Variants in POLN observed in about 807,000 individuals in gnomAD.
POLN encodes the protein DNA polymerase nu, also known as DNA polymerase N.
Under a neutral mutation model 113.5 loss-of-function variants are expected in POLN, and 108 were observed. The observed-to-expected ratio is 0.95, with a 90% confidence interval of 0.81 to 1.12. The LOEUF (loss-of-function observed/expected upper bound fraction) is 1.12, where lower values mean the gene tolerates loss of function less well. Ranked by LOEUF, POLN falls within the 50% of genes most tolerant of loss-of-function variation. The pLI is 0.00. For missense variants in POLN, 1,097 were observed against 1,077.1 expected, an observed-to-expected ratio of 1.02 and a Z score of -0.26; for synonymous variants, 386 against 391.5, an observed-to-expected ratio of 0.99 and a Z score of 0.17.
chr4:2,085,894 G>C (rs1041685490), intron 20 of POLN, 150 bp from the exon 21 acceptor site: 7 of 1,000,186 alleles, frequency 7.0e-6, no homozygotes, highest in Non-Finnish European at 1.0e-5. Context: ...CAGGTGCTAG[G>C]TGCCAATCAA....
chr4:2,082,844 T>A (rs1041274100), intron 21 of POLN: 1 of 152,240 alleles, frequency 6.6e-6, no homozygotes, highest in African/African-American at 2.4e-5. Flanking sequence ...AATGCTGGGG[T>A]GTGCTGTCTT....
chr4:2,105,502 A>G (rs1731043222), intron 19 of POLN, among the ~76,000 whole-genome samples: 2 of 152,184 alleles, frequency 1.3e-5, no homozygotes, highest in South Asian at 4.1e-4. Context: ...TAAATCTATA[A>G]GAAAAAAGAG....
intron 16 of POLN, among the ~76,000 whole-genome samples, chr4:2,138,415 G>A (rs1225599322): frequency 2.0e-5 from 3 of 152,192 alleles, no homozygotes; most frequent in Admixed American, 2.0e-4. Context: ...ATGAGAGCAG[G>A]AAGGTGGGTG....
intron 19 of POLN, among the ~76,000 whole-genome samples, chr4:2,120,636 G>A (rs1327878447): frequency 6.6e-6 from 1 of 152,016 alleles, no homozygotes; most frequent in African/African-American, 2.4e-5. Context: ...TGGGATTACA[G>A]GCGCTCATCA....
intron 3 of POLN, among the ~76,000 whole-genome samples, chr4:2,215,267 G>A (rs1734084830): frequency 6.6e-6 from 1 of 152,154 alleles, no homozygotes; most frequent in African/African-American, 2.4e-5. Flanking sequence ...AGCTATAGTG[G>A]TTGACTGAAG....
At chr4:2,162,317 T>C (rs1732618004) in intron 13 of POLN, among the ~76,000 whole-genome samples, 3 of 151,662 alleles carry the variant, frequency 2.0e-5, no homozygotes, top group Admixed American at 2.0e-4. Flanking sequence ...GCTGTAACAC[T>C]CACCGCGAAG....
intron 13 of POLN, among the ~76,000 whole-genome samples, chr4:2,160,675 T>A (rs921455335): frequency 6.6e-6 from 1 of 152,142 alleles, no homozygotes; most frequent in East Asian, 1.9e-4. Flanking sequence ...TCCCAAGGTG[T>A]TGGTATTACA....
At chr4:2,103,514 T>C (rs1030123932) in intron 19 of POLN, among the ~76,000 whole-genome samples, 6 of 152,158 alleles carry the variant, frequency 3.9e-5, no homozygotes, top group African/African-American at 7.2e-5. Context: ...TGAAGAGAGA[T>C]CTAAAGGCTC....
chr4:2,223,066 T>C (rs1198803701), intron 3 of POLN, among the ~76,000 whole-genome samples: 4 of 152,172 alleles, frequency 2.6e-5, no homozygotes, highest in African/African-American at 9.7e-5. Context: ...ATCAGAAGAA[T>C]GGAGCCTGGG....
intron 20 of POLN, among the ~76,000 whole-genome samples, chr4:2,087,265 A>C (rs1481479935): frequency 6.6e-6 from 1 of 152,254 alleles, no homozygotes; most frequent in Admixed American, 6.5e-5. Context: ...ATATTCACAA[A>C]TAAGTTATGT....
chr4:2,184,032 T>G (rs1196161308), intron 7 of POLN, among the ~76,000 whole-genome samples: 1 of 152,044 alleles, frequency 6.6e-6, no homozygotes, highest in African/African-American at 2.4e-5. Context: ...TTTCATATTT[T>G]TAGTAGAGAT....
At chr4:2,075,316 A>G (rs1037624584) in intron 24 of POLN, 136 bp downstream of exon 24, 1 of 970,490 alleles carries the variant, frequency 1.0e-6, no homozygotes, top group African/African-American at 1.6e-5. Flanking sequence ...CCCAGGTGAC[A>G]CAGCAGCAAT....
At chr4:2,218,746 C>A (rs1734182524) in intron 3 of POLN, among the ~76,000 whole-genome samples, 1 of 152,172 alleles carries the variant, frequency 6.6e-6, no homozygotes, top group African/African-American at 2.4e-5. Flanking sequence ...TTCACCAAAT[C>A]AATAATTGCA....
At chr4:2,161,612 G>A (rs1450079569) in intron 13 of POLN, among the ~76,000 whole-genome samples, 1 of 152,198 alleles carries the variant, frequency 6.6e-6, no homozygotes, top group East Asian at 1.9e-4. Flanking sequence ...CTGCTCCATG[G>A]CGCCCAGTCC....
intron 19 of POLN, among the ~76,000 whole-genome samples, chr4:2,113,862 T>TAATAAA (rs1731256206): frequency 1.3e-5 from 1 of 75,704 alleles, no homozygotes; most frequent in African/African-American, 5.2e-5. Context: ...CATTTCAAAA[T>TAATAAA]AATAATAATA....
intron 16 of POLN, among the ~76,000 whole-genome samples, chr4:2,151,767 C>T (rs896851168): frequency 2.6e-5 from 4 of 152,236 alleles, no homozygotes; most frequent in South Asian, 4.1e-4. Context: ...AAACTGCAAA[C>T]GAATCGATAG....
chr4:2,200,542 T>C (rs1733686039), intron 5 of POLN, among the ~76,000 whole-genome samples: 1 of 152,176 alleles, frequency 6.6e-6, no homozygotes, highest in South Asian at 2.1e-4. Context: ...ATCACAGGAC[T>C]CTGTGCAGAC....
intron 20 of POLN, among the ~76,000 whole-genome samples, chr4:2,086,530 C>T (rs370751231): frequency 1.1e-4 from 16 of 152,248 alleles, no homozygotes; most frequent in African/African-American, 3.4e-4. Context: ...GCCCCATGAG[C>T]TAAGGCATGG....
rs537107279 is a variant in POLN, at chr4:2,240,525, T to C, written c.-13+995A>G. 9.3e-6 allele frequency: 15 copies of C among 1,613,856 alleles called. No homozygotes were observed. In the African/African-American group the frequency reaches 1.2e-4, roughly 13 times the overall value. ...CTTCAGCTTTTTAGTGGCTTCTTCTTCTTTAGCATTTAACCTCAGAGATTT... is the reference window on the plus strand; with the variant it reads ...CTTCAGCTTTTTAGTGGCTTCTTCTCCTTTAGCATTTAACCTCAGAGATTT... On this transcript the variant is annotated intron_variant, in intron 2 of 25. Coordinates refer to ENST00000511885, the MANE Select transcript of POLN (RefSeq NM_181808.4).
Sources: gnomAD v4.1 joint callset for allele counts (sites outside exome capture counted in the v4.1 genomes callset) on GRCh38, gnomAD v4.1.1 for gene constraint, MANE v1.5 for transcripts, NCBI Gene and HGNC (gene_info 2026-07-23, HGNC 2026-07-21) for gene names.